Variants in DIP2C observed in about 807,000 individuals in gnomAD.
DIP2C encodes disco-interacting protein 2 homolog C.
In DIP2C, 33 loss-of-function variants were observed where a neutral mutation model predicts 192.4. That is an observed-to-expected ratio of 0.17 (90% CI 0.13 to 0.23). DIP2C has a LOEUF of 0.23. DIP2C is among the 10% of genes least tolerant of loss of function. The pLI is 1.00. For missense variants in DIP2C, 1,537 were observed against 2,110.1 expected (o/e 0.73, Z 5.32); for synonymous variants, 979 against 864.1 (o/e 1.13, Z -2.33).
At chr10:318,967 C>T (rs113095564) in intron 31 of DIP2C, among the ~76,000 whole-genome samples, 1 of 151,080 alleles carries the variant, frequency 6.6e-6, no homozygotes, top group Non-Finnish European at 1.5e-5. Context: ...GACTAGAGTA[C>T]AGTGGCACGA....
chr10:447,474 T>C (rs1245252331), intron 3 of DIP2C, among the ~76,000 whole-genome samples: 7 of 142,458 alleles, frequency 4.9e-5, no homozygotes, highest in South Asian at 2.2e-4. Flanking sequence ...CTCACTCCCA[T>C]CGATACTCAG....
chr10:396,426 G>A (rs955755629), intron 10 of DIP2C, among the ~76,000 whole-genome samples: 1 of 152,056 alleles, frequency 6.6e-6, no homozygotes, highest in East Asian at 1.9e-4. Context: ...ACTTTAACAT[G>A]GATAAATACA....
chr10:500,461 G>A (rs1271581721), intron 1 of DIP2C, among the ~76,000 whole-genome samples: 2 of 152,240 alleles, frequency 1.3e-5, no homozygotes, highest in African/African-American at 4.8e-5. Context: ...TGGGAACACT[G>A]TACGTGCCTA....
At chr10:583,501 C>G (rs1004418479) in intron 1 of DIP2C, among the ~76,000 whole-genome samples, 6 of 152,182 alleles carry the variant, frequency 3.9e-5, no homozygotes, top group African/African-American at 1.4e-4. Flanking sequence ...ATTTCAGTAT[C>G]GATATAACTT....
intron 28 of DIP2C, among the ~76,000 whole-genome samples, chr10:343,453 G>A (rs1267255488): frequency 6.6e-6 from 1 of 152,236 alleles, no homozygotes; most frequent in Non-Finnish European, 1.5e-5. Context: ...GGAGGTGGGA[G>A]TCCTCCCACT....
At chr10:657,636 C>A (rs1253151577) in intron 1 of DIP2C, among the ~76,000 whole-genome samples, 1 of 86,868 alleles carries the variant, frequency 1.2e-5, no homozygotes, top group African/African-American at 4.1e-5. Flanking sequence ...TGGACCTGCC[C>A]CTGGACCTGC....
intron 1 of DIP2C, among the ~76,000 whole-genome samples, chr10:684,758 G>T (rs1200071821): frequency 6.6e-6 from 1 of 152,148 alleles, no homozygotes; most frequent in Admixed American, 6.5e-5. Context: ...ATCATTTTAG[G>T]ATCCCCTCTT....
chr10:372,074 CTTTTTTTT>C lies in DIP2C; in HGVS notation c.1992-2449_1992-2442del, dbSNP rs71376826. On this transcript the variant is annotated intron_variant, in intron 17 of 36. Coordinates refer to ENST00000280886, the MANE Select transcript of DIP2C (RefSeq NM_014974.3). ...GTCTCAATCACAAAAACCCCCTTTCCTTTTTTTTTTTTTTTTTTTGAGACACAGTTTCA... is the reference window on the plus strand; with the variant it reads ...GTCTCAATCACAAAAACCCCCTTTCCTTTTTTTTTTTGAGACACAGTTTCA... Among the ~76,000 whole-genome samples the C allele has an allele frequency of 8.0e-5, 11 of 137,592 alleles. No individual in the cohort carries two copies. The East Asian group carries it at 1.5e-3, about 19-fold the overall frequency. The allele number at this position is 137,592 out of a possible 152,430, so 90.3% of individuals were successfully genotyped here.
At chr10:680,114 G>C (rs1413493967) in intron 1 of DIP2C, among the ~76,000 whole-genome samples, 1 of 152,188 alleles carries the variant, frequency 6.6e-6, no homozygotes, top group Non-Finnish European at 1.5e-5. Context: ...ACCAGGAGGA[G>C]GCTCCTGAGC....
chr10:539,093 A>AT (rs1166757305), intron 1 of DIP2C, among the ~76,000 whole-genome samples: 2 of 151,898 alleles, frequency 1.3e-5, no homozygotes, highest in African/African-American at 2.4e-5. Flanking sequence ...TGAATCTGCT[A>AT]TATGACCTCA....
intron 1 of DIP2C, among the ~76,000 whole-genome samples, chr10:670,312 A>G (rs559820116): frequency 4.5e-4 from 68 of 152,252 alleles, no homozygotes; most frequent in Non-Finnish European, 8.4e-4. Flanking sequence ...ACGCACATAC[A>G]TGCATATACA....
chr10:431,960 T>C (rs554476528), intron 4 of DIP2C, among the ~76,000 whole-genome samples: 2 of 152,360 alleles, frequency 1.3e-5, no homozygotes, highest in South Asian at 4.1e-4. Context: ...TTATGAGTGT[T>C]AGATTTTGTC....
chr10:370,379 G>A (rs1960815345), intron 17 of DIP2C, among the ~76,000 whole-genome samples: 1 of 152,204 alleles, frequency 6.6e-6, no homozygotes, highest in Admixed American at 6.5e-5. Flanking sequence ...GGTTCTCGCT[G>A]CTACCCAGGA....
chr10:689,466 G>A lies in DIP2C; in HGVS notation c.85+28C>T. ...CGCGGCCCTCCCCGGTGACAGCGCG[G>A]CCCGGCCCGGGGCGGGGGCCCGGTT... On this transcript the variant is annotated intron_variant, in intron 1 of 36. Coordinates refer to ENST00000280886, the MANE Select transcript of DIP2C (RefSeq NM_014974.3). The surrounding 1 kb of genome is among the most constrained non-coding windows in gnomAD (Gnocchi z 6.1). 2.6e-6 allele frequency: 3 copies of A among 1,145,660 alleles called. No individual in the cohort carries two copies. The highest frequency in any genetic ancestry group is 3.2e-6 in the Non-Finnish European group (3 of 924,870). The allele number at this position is 1,145,660 out of a possible 1,614,324, so 71.0% of individuals were successfully genotyped here.
intron 1 of DIP2C, among the ~76,000 whole-genome samples, chr10:639,509 G>T (rs1387884152): frequency 6.6e-6 from 1 of 152,330 alleles, no homozygotes; most frequent in South Asian, 2.1e-4. Flanking sequence ...GGTGCTGCCC[G>T]GCTCTCAGTA....
intron 9 of DIP2C, among the ~76,000 whole-genome samples, chr10:401,151 T>C (rs1487687296): frequency 3.4e-5 from 5 of 145,808 alleles, no homozygotes; most frequent in East Asian, 2.1e-4. Flanking sequence ...AAGTTTGGTA[T>C]GTGTTCATCA....
rs1377828086 is a variant in DIP2C, at chr10:414,735, G to GTATATATATATATATATATATATA, written c.860-626_860-625insTATATATATATATATATATATATA. Among the ~76,000 whole-genome samples, 12 of 53,086 alleles carry GTATATATATATATATATATATATA rather than the reference G, an allele frequency of 2.3e-4. No homozygotes were observed. In the East Asian group the frequency reaches 3.0e-3, roughly 13 times the overall value. The allele number at this position is 53,086 out of a possible 152,430, so 34.8% of individuals were successfully genotyped here. ...TGTGTGTGTGTGTGTGTGTGTGTGT[G>GTATATATATATATATATATATATA]TGTGTACATATATATATATATAATG... On this transcript the variant is annotated intron_variant, in intron 7 of 36. Coordinates refer to ENST00000280886, the MANE Select transcript of DIP2C (RefSeq NM_014974.3).
At position 512,922 on chromosome 10, in the gene DIP2C, GAAAAAAAAAA is replaced by G. The variant is rs60269783; in HGVS notation, c.86-26402_86-26393del. Among the ~76,000 whole-genome samples, 5 of 92,186 alleles carry G rather than the reference GAAAAAAAAAA, an allele frequency of 5.4e-5. No homozygotes were observed. In the East Asian group the frequency reaches 1.2e-3, roughly 23 times the overall value. 60.5% of individuals were successfully genotyped at this position (92,186 alleles called of 152,430 possible). ...TGACAACAGCGAGACCCCACTTCAG[GAAAAAAAAAA>G]AAAAAAAAAAAAGGGAGCTAATGTT... is the stretch of plus-strand genomic sequence containing the variant. On this transcript the variant is annotated intron_variant, in intron 1 of 36. Coordinates refer to ENST00000280886, the MANE Select transcript of DIP2C (RefSeq NM_014974.3).
At chr10:420,338 C>T (rs1966097709) in intron 5 of DIP2C, among the ~76,000 whole-genome samples, 1 of 152,240 alleles carries the variant, frequency 6.6e-6, no homozygotes, top group African/African-American at 2.4e-5. Flanking sequence ...GCGTCGGCCC[C>T]TCCTGACGGT....
Sources: gnomAD v4.1 joint callset for allele counts (sites outside exome capture counted in the v4.1 genomes callset) on GRCh38, gnomAD v4.1.1 for gene constraint, Gnocchi (gnomAD v3.1) non-coding constraint, MANE v1.5 for transcripts, NCBI Gene and HGNC (gene_info 2026-07-23, HGNC 2026-07-21) for gene names.